Variants in LRP1B observed in about 807,000 individuals in gnomAD.
LRP1B encodes LDL receptor related protein 1B.
Under a neutral mutation model 556.6 loss-of-function variants are expected in LRP1B, and 217 were observed. The observed-to-expected ratio is 0.39, with a 90% CI of 0.35 to 0.44. The LOEUF is 0.44. Among genes scored for constraint, LRP1B ranks in the 20% least tolerant of loss-of-function variants. LRP1B has a pLI of 1.00. For missense variants in LRP1B, 5,053 were observed against 5,620.8 expected (o/e 0.90, Z 3.23); for synonymous variants, 2,047 against 1,865.8 (o/e 1.10, Z -2.50).
At chr2:141,143,218 C>A (rs1275176834) in intron 7 of LRP1B, among the ~76,000 whole-genome samples, 1 of 152,066 alleles carries the variant, frequency 6.6e-6, no homozygotes, top group Admixed American at 6.6e-5. Context: ...CGTGAGCCAC[C>A]GCACCCAGAG....
chr2:140,823,780 T>C (rs1203863381), intron 31 of LRP1B, among the ~76,000 whole-genome samples: 1 of 151,886 alleles, frequency 6.6e-6, no homozygotes, highest in East Asian at 1.9e-4. Flanking sequence ...TTTTAAATTA[T>C]TCAGAAAGAC....
chr2:141,721,276 T>TA (rs1404752179), intron 2 of LRP1B, among the ~76,000 whole-genome samples: 1 of 152,186 alleles, frequency 6.6e-6, no homozygotes, highest in South Asian at 2.1e-4. Flanking sequence ...GAAATATCCT[T>TA]AAAAAATCAT....
At chr2:142,054,214 A>G (rs1259386941) in intron 1 of LRP1B, among the ~76,000 whole-genome samples, 2 of 152,188 alleles carry the variant, frequency 1.3e-5, no homozygotes, top group South Asian at 2.1e-4. Context: ...CCATTTTAAC[A>G]CAAATGTTTA....
At chr2:141,314,895 C>CAT (rs751592864) in intron 3 of LRP1B, among the ~76,000 whole-genome samples, 5,577 of 132,900 alleles carry the variant, frequency 0.042, 130 homozygotes, top group South Asian at 0.11. Context: ...TACATATATA[C>CAT]ATATATATAT....
chr2:140,499,607 G>A (rs564734008), intron 55 of LRP1B, among the ~76,000 whole-genome samples: 1 of 151,976 alleles, frequency 6.6e-6, no homozygotes, highest in South Asian at 2.1e-4. Flanking sequence ...AGAGCATATT[G>A]TTCCTAGGTT....
At chr2:140,839,752 A>C (rs1437288916) in intron 31 of LRP1B, among the ~76,000 whole-genome samples, 1 of 152,174 alleles carries the variant, frequency 6.6e-6, no homozygotes, top group African/African-American at 2.4e-5. Context: ...CCTGTGAGTC[A>C]ATTCTCCTAA....
intron 5 of LRP1B, among the ~76,000 whole-genome samples, chr2:141,244,245 C>G (rs879632933): frequency 1.4e-4 from 21 of 152,148 alleles, no homozygotes; most frequent in Non-Finnish European, 2.8e-4. Flanking sequence ...TGGTCTAGTT[C>G]TAGCTTTCCA....
chr2:141,152,788 T>C (rs1701956547), intron 7 of LRP1B, among the ~76,000 whole-genome samples: 1 of 151,834 alleles, frequency 6.6e-6, no homozygotes, highest in Admixed American at 6.6e-5. Flanking sequence ...ATCGGTTAAA[T>C]TCTTTGTTGT....
intron 68 of LRP1B, among the ~76,000 whole-genome samples, chr2:140,373,919 C>T (rs1683106562): frequency 6.6e-6 from 1 of 152,088 alleles, no homozygotes; most frequent in East Asian, 1.9e-4. Context: ...GCAAAGCTTC[C>T]CCTGGTGTTC....
chr2:141,340,030 C>T (rs535399095), intron 3 of LRP1B, among the ~76,000 whole-genome samples: 77 of 152,270 alleles, frequency 5.1e-4, no homozygotes, highest in African/African-American at 1.8e-3. Context: ...GTGAGAGAGA[C>T]ATAGTTTAAC....
At chr2:140,531,282 G>A (rs1307999182) in intron 47 of LRP1B, among the ~76,000 whole-genome samples, 1 of 151,946 alleles carries the variant, frequency 6.6e-6, no homozygotes, top group Admixed American at 6.6e-5. Context: ...TTCCTCTCCT[G>A]CTTACAAATA....
Position 140,255,569 on chromosome 2 carries a change from T to C in LRP1B, c.13248-8407A>G, listed in dbSNP as rs1458714805. Among the ~76,000 whole-genome samples the C allele has an allele frequency of 2.0e-5, 3 of 152,204 alleles. No individual in the cohort carries two copies. The South Asian group carries it at 6.2e-4, about 31-fold the overall frequency. On this transcript the variant is annotated intron_variant, in intron 86 of 90. Coordinates refer to ENST00000389484, the MANE Select transcript of LRP1B (RefSeq NM_018557.3). ...AAAGGCAGAGATTATTGATTATTCA[T>C]CTTTGTCTTCCCTCATTTCTTGAAC...
In LRP1B at chr2:141,442,255, G is replaced by C. The variant is rs78441900; in HGVS notation, c.343+38141C>G. On this transcript the variant is annotated intron_variant, in intron 3 of 90. Coordinates refer to ENST00000389484, the MANE Select transcript of LRP1B (RefSeq NM_018557.3). ...CTGTATTTCATAAATACAACAAATA[G>C]CAACATACACTTATGAGAAAATAAA... is the stretch of plus-strand genomic sequence containing the variant. Among the ~76,000 whole-genome samples, 7 of 151,948 alleles carry C rather than the reference G, an allele frequency of 4.6e-5. 1 individual carries two copies. In the South Asian group the frequency reaches 1.5e-3, roughly 32 times the overall value.
chr2:141,550,759 A>C (rs1348374190), intron 2 of LRP1B, among the ~76,000 whole-genome samples: 1 of 152,078 alleles, frequency 6.6e-6, no homozygotes, highest in Non-Finnish European at 1.5e-5. Context: ...TATACCAGTA[A>C]AATAAGAATG....
chr2:140,238,394 TA>T, intron 88 of LRP1B, 98 bp from the exon 89 acceptor site: 1 of 590,728 alleles, frequency 1.7e-6, no homozygotes, highest in Non-Finnish European at 2.8e-6. Flanking sequence ...TATTTTGAAA[TA>T]AATTGAATAA....
At chr2:141,737,935 C>T (rs909775785) in intron 2 of LRP1B, among the ~76,000 whole-genome samples, 1 of 152,026 alleles carries the variant, frequency 6.6e-6, no homozygotes, top group Non-Finnish European at 1.5e-5. Context: ...GCTGTCCTAT[C>T]AATATATCTG....
intron 32 of LRP1B, among the ~76,000 whole-genome samples, chr2:140,796,745 A>C (rs1690329650): frequency 6.6e-6 from 1 of 152,108 alleles, no homozygotes; most frequent in African/African-American, 2.4e-5. Context: ...TGAAAGCAGA[A>C]TCACCTAAGA....
intron 2 of LRP1B, among the ~76,000 whole-genome samples, chr2:141,653,841 GTTTACAGTATTTTCT>G (rs1414800852): frequency 6.6e-6 from 1 of 152,104 alleles, no homozygotes; most frequent in African/African-American, 2.4e-5. Flanking sequence ...AGAAGTTGTG[GTTTACAGTATTTTCT>G]TTTTTTTCTT....
intron 84 of LRP1B, among the ~76,000 whole-genome samples, chr2:140,291,319 T>TATA (rs1553440647): frequency 8.7e-5 from 5 of 57,430 alleles, no homozygotes; most frequent in East Asian, 4.4e-4. Flanking sequence ...TATATATATA[T>TATA]TTTTATTATA....
Sources: allele counts gnomAD v4.1 joint callset (sites outside exome capture counted in the v4.1 genomes callset), GRCh38; gene constraint gnomAD v4.1.1; transcripts MANE v1.5; gene names NCBI Gene and HGNC (gene_info 2026-07-23, HGNC 2026-07-21).